The following NCOA7 variants were observed in gnomAD, a reference collection of about 807,000 sequenced individuals.
The protein encoded by NCOA7 is 140 kDa estrogen receptor-associated protein.
In NCOA7, 45 loss-of-function variants were observed where a neutral mutation model predicts 104.3. The observed-to-expected ratio is 0.43, with a 90% CI of 0.34 to 0.55. The LOEUF (loss-of-function observed/expected upper bound fraction) is 0.55, where lower values mean the gene tolerates loss of function less well. Among genes scored for constraint, NCOA7 ranks in the 20% least tolerant of loss-of-function variants. The probability of loss-of-function intolerance (pLI) is 0.02; values close to 1 mark genes in which losing one functional copy is unlikely to be tolerated. For synonymous variants in NCOA7, 398 were observed against 402.3 expected, an observed-to-expected ratio of 0.99 and a Z score of 0.13; for missense variants, 1,041 against 1,119.7, an observed-to-expected ratio of 0.93 and a Z score of 1.00.
At chr6:125,790,477 G>C (rs1414745240), upstream of NCOA7, among the ~76,000 whole-genome samples, 1 of 152,182 alleles carries the variant, frequency 6.6e-6, no homozygotes, top group African/African-American at 2.4e-5. Context: ...GAGGCCGCAC[G>C]CGCAGCTCTC....
chr6:125,924,715 A>G (rs934947308), intron 13 of NCOA7, among the ~76,000 whole-genome samples: 5 of 152,150 alleles, frequency 3.3e-5, no homozygotes, highest in Non-Finnish European at 7.3e-5. Flanking sequence ...AATCTCAGTT[A>G]TAACAGTGGG....
chr6:125,893,601 G>T (rs984857450), intron 10 of NCOA7, among the ~76,000 whole-genome samples: 3 of 152,024 alleles, frequency 2.0e-5, no homozygotes, highest in South Asian at 2.1e-4. Context: ...GCGGGGCTGT[G>T]GGGGGGCCAG....
At chr6:125,789,494 A>G (rs1164642210), upstream of NCOA7, among the ~76,000 whole-genome samples, 1 of 152,204 alleles carries the variant, frequency 6.6e-6, no homozygotes, top group Non-Finnish European at 1.5e-5. Flanking sequence ...ATCTCAAACC[A>G]TGTTCCTTTG....
intron 2 of NCOA7, among the ~76,000 whole-genome samples, chr6:125,832,783 A>G (rs1201882265): frequency 1.3e-5 from 2 of 152,218 alleles, no homozygotes; most frequent in Non-Finnish European, 2.9e-5. Context: ...AAGTGCTGCT[A>G]CAAAGTGGAT....
intron 2 of NCOA7, among the ~76,000 whole-genome samples, chr6:125,840,039 A>T (rs935226792): frequency 6.6e-6 from 1 of 151,904 alleles, no homozygotes; most frequent in African/African-American, 2.4e-5. Flanking sequence ...CATTGTTATC[A>T]TAGGAGAGGA....
chr6:125,898,891 A>G (rs1416733720), intron 10 of NCOA7, among the ~76,000 whole-genome samples: 2 of 152,154 alleles, frequency 1.3e-5, no homozygotes, highest in Non-Finnish European at 2.9e-5. Context: ...AAATACAGAA[A>G]AGCAAAAAGA....
chr6:125,786,957 G>A (rs1458023188), upstream of NCOA7, among the ~76,000 whole-genome samples: 1 of 151,942 alleles, frequency 6.6e-6, no homozygotes, highest in Non-Finnish European at 1.5e-5. Flanking sequence ...GACCAGCCTG[G>A]GCAACATGGC....
chr6:125,919,499 T>C, intron 11 of NCOA7: 1 of 1,481,576 alleles, frequency 6.7e-7, no homozygotes, highest in Non-Finnish European at 9.4e-7. Context: ...CCTCCGAGTT[T>C]CTTTTGAAAG....
At chr6:125,923,163 T>G (rs2128699125) in intron 13 of NCOA7, among the ~76,000 whole-genome samples, 1 of 152,238 alleles carries the variant, frequency 6.6e-6, no homozygotes, top group Middle Eastern at 3.4e-3. Context: ...AACTGGAAAG[T>G]TGGGGTGGAG....
At chr6:125,840,932 A>T (rs1220803524) in intron 2 of NCOA7, among the ~76,000 whole-genome samples, 2 of 85,832 alleles carry the variant, frequency 2.3e-5, no homozygotes, top group Non-Finnish European at 4.2e-5. Flanking sequence ...TCAATCTGTC[A>T]CCCAGGCTGG....
intron 1 of NCOA7, among the ~76,000 whole-genome samples, chr6:125,784,630 G>A (rs1286254520): frequency 6.6e-6 from 1 of 152,150 alleles, no homozygotes; most frequent in Non-Finnish European, 1.5e-5. Context: ...AAAAACTGGA[G>A]ACAATTGAAA....
At chr6:125,839,693 T>C (rs565850075) in intron 2 of NCOA7, among the ~76,000 whole-genome samples, 1 of 152,216 alleles carries the variant, frequency 6.6e-6, no homozygotes, top group African/African-American at 2.4e-5. Context: ...ATGTTCCACA[T>C]AAGCCACTGG....
chr6:125,855,292 AT>A, intron 3 of NCOA7, 52 bp downstream of exon 3: 1 of 1,379,906 alleles, frequency 7.2e-7, no homozygotes, highest in Non-Finnish European at 1.0e-6. Context: ...ATCTATAAGA[AT>A]TTTTAAAAGA....
chr6:125,889,737 T>C lies in NCOA7; in HGVS notation c.1683T>C (p.Ser561=), dbSNP rs1784494856. The change falls in exon 9 of 16, where the codon AGT becomes AGC. Residue 561 remains serine, a synonymous_variant. Transcript: ENST00000392477. Reference sequence around the variant, plus strand: ...CAGGGGGAATAGACATTACCCTTAGTAGTTCTCTTTCCCAGGCGGGTGATC... The same window carrying C: ...CAGGGGGAATAGACATTACCCTTAGCAGTTCTCTTTCCCAGGCGGGTGATC... The part of the protein sequence containing the change: ...IEPGGIDITL[S]SSLSQAGDPI... 1 of 1,613,190 alleles carries C rather than the reference T, an allele frequency of 6.2e-7. No individual in the cohort carries two copies.
At chr6:125,842,282 G>A (rs1449828726) in intron 2 of NCOA7, among the ~76,000 whole-genome samples, 1 of 152,138 alleles carries the variant, frequency 6.6e-6, no homozygotes, top group African/African-American at 2.4e-5. Flanking sequence ...AGTTAAAATT[G>A]GATGACAGAG....
At chr6:125,872,662 T>G (rs1263394882) in intron 3 of NCOA7, among the ~76,000 whole-genome samples, 3 of 152,250 alleles carry the variant, frequency 2.0e-5, no homozygotes, top group Admixed American at 6.5e-5. Flanking sequence ...TTTTTCAGAT[T>G]CTTTAGAAGG....
At chr6:125,881,486 AT>A in intron 6 of NCOA7, among the ~76,000 whole-genome samples, 1 of 152,206 alleles carries the variant, frequency 6.6e-6, no homozygotes. Flanking sequence ...CCTGGGCAAT[AT>A]AGTGAGATTC....
At chr6:125,866,236 G>A (rs968596469) in intron 3 of NCOA7, among the ~76,000 whole-genome samples, 26 of 151,990 alleles carry the variant, frequency 1.7e-4, no homozygotes, top group Non-Finnish European at 2.8e-4. Context: ...GGCTGAGGCA[G>A]GAGAATCGCT....
At chr6:125,926,065 C>G (rs185865581) in intron 13 of NCOA7, among the ~76,000 whole-genome samples, 3 of 152,114 alleles carry the variant, frequency 2.0e-5, no homozygotes. Flanking sequence ...AATCCCAGCA[C>G]TTTGGTAGGC....
Sources: gnomAD v4.1 joint callset for allele counts (sites outside exome capture counted in the v4.1 genomes callset) on GRCh38, gnomAD v4.1.1 for gene constraint, MANE v1.5 for transcripts, NCBI Gene and HGNC (gene_info 2026-07-23, HGNC 2026-07-21) for gene names.